Variants in AKT1 observed in about 807,000 individuals in gnomAD.
AKT1 encodes RAC-alpha serine/threonine-protein kinase.
In AKT1, 21 loss-of-function variants were observed where a neutral mutation model predicts 63.1. That is an observed-to-expected ratio of 0.33 (90% CI 0.24 to 0.48). AKT1 has a LOEUF of 0.48. Among genes scored for constraint, AKT1 ranks in the 20% least tolerant of loss-of-function variants. AKT1 has a pLI of 0.99. For missense variants in AKT1, 382 were observed against 666.0 expected (o/e 0.57, Z 4.69); for synonymous variants, 257 against 253.1 (o/e 1.02, Z -0.15).
intron 5 of AKT1, chr14:104,776,127 A>C (rs1595246674): frequency 8.9e-6 from 2 of 223,838 alleles, no homozygotes; most frequent in Non-Finnish European, 1.6e-5. Flanking sequence ...TCCGCCCCCC[A>C]AGGAGGACTG....
intron 3 of AKT1, among the ~76,000 whole-genome samples, chr14:104,785,554 C>T (rs1048286033): frequency 6.6e-6 from 1 of 152,174 alleles, no homozygotes; most frequent in Non-Finnish European, 1.5e-5. Context: ...ACCCATTCTG[C>T]TCTCCCAGAA....
chr14:104,770,270 A>T lies in AKT1; in HGVS notation c.*71T>A. The T allele has an allele frequency of 6.8e-7, 1 of 1,479,624 alleles. No homozygotes were observed. Among genetic ancestry groups the T allele is most frequent in the South Asian group, 1.2e-5 (1 of 83,474 alleles). The allele number at this position is 1,479,624 out of a possible 1,614,324, so 91.7% of individuals were successfully genotyped here. On this transcript the variant is annotated 3_prime_UTR_variant, in exon 15 of 15. Transcript: ENST00000649815. ...ATGCACCCGAGAAATAAAAACCATT[A>T]AATACAGATCATGGCACGAGGCCGC...
chr14:104,787,116 A>T (rs2140986409), intron 3 of AKT1, among the ~76,000 whole-genome samples: 1 of 152,260 alleles, frequency 6.6e-6, no homozygotes, highest in South Asian at 2.1e-4. Flanking sequence ...AGCCCGCAAC[A>T]TTGGCAGCAG....
intron 5 of AKT1, 50 bp from the exon 6 acceptor site, chr14:104,775,849 AC>A (rs1892671624): frequency 6.4e-7 from 1 of 1,568,742 alleles, no homozygotes; most frequent in Non-Finnish European, 8.6e-7. Context: ...CAGGAGCTCC[AC>A]CCCACGTCTT....
chr14:104,772,559 G>T (rs1312194708), intron 12 of AKT1, 107 bp from the exon 13 acceptor site: 16 of 1,109,580 alleles, frequency 1.4e-5, no homozygotes, highest in Non-Finnish European at 2.0e-5. Context: ...GGACGTTCCG[G>T]GGCCAGGGAG....
chr14:104,782,370 G>A (rs1489462205), intron 3 of AKT1, among the ~76,000 whole-genome samples: 1 of 152,138 alleles, frequency 6.6e-6, no homozygotes, highest in Non-Finnish European at 1.5e-5. Flanking sequence ...ACCAACTGCT[G>A]CCAGCCCCCA....
chr14:104,781,199 C>G (rs1357366471), intron 3 of AKT1, among the ~76,000 whole-genome samples: 2 of 151,758 alleles, frequency 1.3e-5, no homozygotes, highest in African/African-American at 4.8e-5. Flanking sequence ...AGGGAACTTA[C>G]TAATTAGGCA....
intron 5 of AKT1, 27 bp from the exon 6 acceptor site, chr14:104,775,826 G>T: frequency 1.2e-6 from 2 of 1,610,034 alleles, no homozygotes; most frequent in Non-Finnish European, 8.5e-7. Flanking sequence ...GAGGCTGCAG[G>T]CCTGTACCAG....
chr14:104,775,866 C>T, intron 5 of AKT1, 67 bp from the exon 6 acceptor site: 2 of 1,546,348 alleles, frequency 1.3e-6, no homozygotes, highest in Non-Finnish European at 1.7e-6. Flanking sequence ...GTCTTTCACC[C>T]ACCCGCCAGC....
chr14:104,781,674 C>T (rs896773739), intron 3 of AKT1, among the ~76,000 whole-genome samples: 1 of 152,176 alleles, frequency 6.6e-6, no homozygotes, highest in African/African-American at 2.4e-5. Context: ...CAAGACCAGC[C>T]CTCTCTCTGC....
intron 4 of AKT1, chr14:104,777,134 G>A: frequency 4.0e-6 from 1 of 252,386 alleles, no homozygotes. Flanking sequence ...GCATGAGGGG[G>A]GCACCCCAGA....
At chr14:104,777,131 G>A in intron 4 of AKT1, 1 of 255,844 alleles carries the variant, frequency 3.9e-6, no homozygotes, top group South Asian at 4.5e-5. Context: ...CTGGCATGAG[G>A]GGGGCACCCC....
Position 104,795,559 on chromosome 14 carries a change from C to T in AKT1, c.-333G>A, listed in dbSNP as rs1489502300. On this transcript the variant is annotated 5_prime_UTR_variant, in exon 1 of 15. Transcript: ENST00000649815. This position sits in a 1 kb window ranked among gnomAD's most constrained non-coding sequence, Gnocchi z 5.1. The stretch of plus-strand genomic sequence containing the variant: ...CGGCGCCCGCCGCTCCGCATCCCCG[C>T]GGGCCGGCGCTGGGCGGGGCCGGGC... The T allele has an allele frequency of 6.9e-6, 1 of 145,786 alleles. No homozygotes were observed. Among genetic ancestry groups the T allele is most frequent in the Non-Finnish European group, 1.5e-5 (1 of 65,644 alleles). 9.0% of individuals were successfully genotyped at this position (145,786 alleles called of 1,614,324 possible).
At chr14:104,776,435 C>G in intron 5 of AKT1, 2 of 499,248 alleles carry the variant, frequency 4.0e-6, no homozygotes, top group East Asian at 6.8e-5. Context: ...ACGTGAGCCA[C>G]TGCACCCGGT....
intron 8 of AKT1, 120 bp from the exon 9 acceptor site, chr14:104,774,100 A>C: frequency 1.1e-6 from 1 of 898,008 alleles, no homozygotes; most frequent in South Asian, 1.4e-5. Flanking sequence ...CCGTAGCCCC[A>C]CACCACACTG....
At chr14:104,772,040 C>T in intron 13 of AKT1, 1 of 492,106 alleles carries the variant, frequency 2.0e-6, no homozygotes, top group Non-Finnish European at 3.7e-6. Context: ...CTTCACTGCA[C>T]AGCGTCAGGG....
rs2140902698 is a variant in AKT1, at chr14:104,773,065, C to T, written c.985G>A (p.Ala329Thr). 6.2e-7 allele frequency: 1 copy of T among 1,614,136 alleles called. No homozygotes were observed. The highest frequency in any genetic ancestry group is 8.5e-7 in the Non-Finnish European group (1 of 1,180,014). ...ACGCCCAGCCCCCACCAGTCCACTG[C>T]ACGGCCGTAGTCATTGTCCTCCAGC... is the stretch of plus-strand genomic sequence containing the variant. ...EVLEDNDYGR[A>T]VDWWGLGVVM... Residue 329 changes from alanine (A) to threonine (T), a missense_variant, in exon 12 of 15, where the codon GCA (alanine) becomes ACA (threonine). Ala to Thr is a moderately conservative substitution (Grantham distance 58). This residue lies in a region of AKT1 where 66 missense variants were observed against 179.1 expected (regional missense o/e 0.37). Transcript: ENST00000649815.
At chr14:104,785,814 A>G (rs1438475491) in intron 3 of AKT1, among the ~76,000 whole-genome samples, 1 of 152,032 alleles carries the variant, frequency 6.6e-6, no homozygotes, top group African/African-American at 2.4e-5. Context: ...CGGCACCACC[A>G]TGACCCCGTC....
intron 3 of AKT1, among the ~76,000 whole-genome samples, chr14:104,784,371 G>A (rs1893226496): frequency 6.6e-6 from 1 of 152,242 alleles, no homozygotes; most frequent in South Asian, 2.1e-4. Context: ...TCGGTGGGGG[G>A]TAGGCAGTTG....
Sources: allele counts gnomAD v4.1 joint callset (sites outside exome capture counted in the v4.1 genomes callset), GRCh38; gene constraint gnomAD v4.1.1; regional missense constraint gnomAD v4.1.1; non-coding constraint Gnocchi (gnomAD v3.1); transcripts MANE v1.5; gene names NCBI Gene and HGNC (gene_info 2026-07-23, HGNC 2026-07-21).